GLRX3: variants seen among roughly 807,000 people sequenced by gnomAD.
GLRX3 encodes glutaredoxin 3, also known as glutaredoxin-3.
GLRX3 carries 22 observed loss-of-function variants against 49.5 expected under a neutral mutation model. That is an observed-to-expected ratio of 0.44 (90% CI 0.32 to 0.63). GLRX3 has a LOEUF of 0.63. GLRX3 is among the 30% of genes least tolerant of loss of function. GLRX3 has a pLI of 0.05. For synonymous variants in GLRX3, 133 were observed against 140.0 expected, an observed-to-expected ratio of 0.95 and a Z score of 0.35; for missense variants, 385 against 396.3, an observed-to-expected ratio of 0.97 and a Z score of 0.24.
intron 1 of GLRX3, among the ~76,000 whole-genome samples, chr10:130,144,686 A>G (rs779779097): frequency 8.5e-5 from 13 of 152,118 alleles, no homozygotes; most frequent in Non-Finnish European, 1.9e-4. Context: ...TATGTGCCAC[A>G]TTTCCTTTAT....
intron 4 of GLRX3, among the ~76,000 whole-genome samples, chr10:130,163,339 T>C (rs1862612806): frequency 6.6e-6 from 1 of 152,174 alleles, no homozygotes; most frequent in African/African-American, 2.4e-5. Flanking sequence ...GGAGAATTGC[T>C]TGAACCTGGG....
At chr10:130,148,826 G>T (rs759786532) in intron 2 of GLRX3, among the ~76,000 whole-genome samples, 27 of 152,214 alleles carry the variant, frequency 1.8e-4, no homozygotes, top group Non-Finnish European at 3.4e-4. Context: ...ACTTTGGGAG[G>T]TGTGAGTGGG....
downstream of GLRX3, chr10:130,180,071 T>A (rs1172645331): frequency 6.6e-6 from 1 of 150,990 alleles, no homozygotes; most frequent in Non-Finnish European, 1.5e-5. Flanking sequence ...GGAAAAGTAT[T>A]GTCATTTGTT....
chr10:130,147,305 T>C (rs1862288260), intron 2 of GLRX3, among the ~76,000 whole-genome samples: 1 of 152,244 alleles, frequency 6.6e-6, no homozygotes, highest in Non-Finnish European at 1.5e-5. Flanking sequence ...TTGTTCTAAG[T>C]CTGCTTTTAT....
At chr10:130,146,155 G>A (rs1047231869) in intron 2 of GLRX3, among the ~76,000 whole-genome samples, 1 of 152,220 alleles carries the variant, frequency 6.6e-6, no homozygotes, top group African/African-American at 2.4e-5. Flanking sequence ...CAAGGTGGCT[G>A]TGGGCTGGAG....
intron 2 of GLRX3, among the ~76,000 whole-genome samples, chr10:130,149,439 C>T: frequency 7.2e-6 from 1 of 139,594 alleles, no homozygotes; most frequent in African/African-American, 2.8e-5. Context: ...AAGACTCCGT[C>T]TCAAAAAAAA....
chr10:130,136,502 C>T lies in GLRX3; in HGVS notation c.82C>T (p.Leu28Phe). 1 of 1,262,820 alleles carries T rather than the reference C, an allele frequency of 7.9e-7. No individual in the cohort carries two copies. The allele number at this position is 1,262,820 out of a possible 1,614,324, so 78.2% of individuals were successfully genotyped here. A position where few individuals can be genotyped will look rare whatever the true frequency, so the allele number is the denominator to read the frequency against. ...CGGGCAGTTTGAGGAGCTGCTGCGCCTCAAAGCCAAGTAAGCGGGGCGGCG... is the reference window on the plus strand; with the variant it reads ...CGGGCAGTTTGAGGAGCTGCTGCGCTTCAAAGCCAAGTAAGCGGGGCGGCG... ...SAGQFEELLR[L>F]KAKSLLVVHF... Residue 28 changes from leucine (L) to phenylalanine (F), a missense_variant, in exon 1 of 11, where the codon CTC becomes TTC. Transcript: ENST00000331244.
chr10:130,171,486 C>T, intron 7 of GLRX3, 98 bp from the exon 8 acceptor site: 3 of 762,366 alleles, frequency 3.9e-6, no homozygotes, highest in Non-Finnish European at 7.1e-6. Context: ...GGCAGCTATG[C>T]TGGACAAGTG....
intron 2 of GLRX3, among the ~76,000 whole-genome samples, chr10:130,146,434 C>T (rs1265480442): frequency 6.6e-6 from 1 of 152,152 alleles, no homozygotes; most frequent in Non-Finnish European, 1.5e-5. Context: ...TCTTCCTTGC[C>T]TCTTTTGTTT....
intron 1 of GLRX3, among the ~76,000 whole-genome samples, chr10:130,140,265 G>A (rs1189527157): frequency 6.6e-6 from 1 of 152,184 alleles, no homozygotes; most frequent in Non-Finnish European, 1.5e-5. Flanking sequence ...ATTGTCTAAA[G>A]TTACATTAGT....
chr10:130,165,905 T>G (rs1335028856), intron 4 of GLRX3, among the ~76,000 whole-genome samples: 1 of 152,202 alleles, frequency 6.6e-6, no homozygotes, highest in East Asian at 1.9e-4. Context: ...GTCTCCTGAT[T>G]AGTAGGAAAG....
At chr10:130,171,988 A>T (rs574494210) in intron 8 of GLRX3, among the ~76,000 whole-genome samples, 3 of 152,334 alleles carry the variant, frequency 2.0e-5, no homozygotes, top group African/African-American at 7.2e-5. Flanking sequence ...AAATATTTCA[A>T]CTTTTCAGTT....
chr10:130,162,937 T>C (rs185599032), intron 4 of GLRX3, among the ~76,000 whole-genome samples: 3 of 152,120 alleles, frequency 2.0e-5, no homozygotes, highest in Admixed American at 1.3e-4. Context: ...GTGTAGATAT[T>C]GTATGATTAT....
At chr10:130,170,395 G>T (rs183176249) in intron 7 of GLRX3, among the ~76,000 whole-genome samples, 65 of 152,312 alleles carry the variant, frequency 4.3e-4, no homozygotes, top group African/African-American at 1.5e-3. Flanking sequence ...GCCATAACTA[G>T]TGTATAAGTT....
chr10:130,145,193 C>T lies in GLRX3; in HGVS notation c.93-18C>T. On this transcript the variant is annotated intron_variant, in intron 1 of 10. Coordinates refer to ENST00000331244, the MANE Select transcript of GLRX3 (RefSeq NM_006541.5). ...AAATTGGTATAATTTTAAATAAATG[C>T]ATTTAATTGATTTACAGGTCCCTCC... 4.3e-6 allele frequency: 4 copies of T among 940,220 alleles called. No individual in the cohort carries two copies. The highest frequency in any genetic ancestry group is 1.6e-5 in the South Asian group (1 of 63,422). 58.2% of individuals were successfully genotyped at this position (940,220 alleles called of 1,614,324 possible).
Position 130,162,938 on chromosome 10 carries a change from G to A in GLRX3, c.478+1941G>A, listed in dbSNP as rs558766257. Among the ~76,000 whole-genome samples the A allele has an allele frequency of 1.2e-4, 18 of 152,238 alleles. No homozygotes were observed. In the South Asian group the frequency reaches 1.4e-3, roughly 12 times the overall value. Reference sequence around the variant, plus strand: ...GGAGGGCCTTTTCAGTGTAGATATTGTATGATTATTCAAGTAAATTAGAGA... The same window carrying A: ...GGAGGGCCTTTTCAGTGTAGATATTATATGATTATTCAAGTAAATTAGAGA... On this transcript the variant is annotated intron_variant, in intron 4 of 10. Coordinates refer to ENST00000331244, the MANE Select transcript of GLRX3 (RefSeq NM_006541.5).
At position 130,141,489 on chromosome 10, in the gene GLRX3, T is replaced by A. The variant is rs147559218; in HGVS notation, c.93-3722T>A. 4.6e-4 allele frequency among the ~76,000 whole-genome samples: 70 copies of A among 152,276 alleles called. No homozygotes were observed. The East Asian group carries it at 7.5e-3, about 16-fold the overall frequency. ...AATATAGAACCCAGGAAGTTTTCCA[T>A]CCCCTTTAGCCCAGCTACTGATTTC... On this transcript the variant is annotated intron_variant, in intron 1 of 10. Transcript: ENST00000331244.
intron 10 of GLRX3, among the ~76,000 whole-genome samples, chr10:130,176,627 G>A (rs113836279): frequency 0.02 from 3,016 of 152,178 alleles, 118 homozygotes; most frequent in African/African-American, 0.068. Flanking sequence ...AAACAAGCCA[G>A]TGAGACATTT....
intron 6 of GLRX3, among the ~76,000 whole-genome samples, chr10:130,168,594 G>A (rs1296852521): frequency 1.3e-5 from 2 of 152,176 alleles, no homozygotes; most frequent in Non-Finnish European, 2.9e-5. Flanking sequence ...ACAGGCGTCC[G>A]CCACCACGTC....
Sources: allele counts gnomAD v4.1 joint callset (sites outside exome capture counted in the v4.1 genomes callset), GRCh38; gene constraint gnomAD v4.1.1; transcripts MANE v1.5; gene names NCBI Gene and HGNC (gene_info 2026-07-23, HGNC 2026-07-21).